TRPM5: variants seen among roughly 807,000 people sequenced by gnomAD.
TRPM5 encodes the protein transient receptor potential cation channel subfamily M member 5.
TRPM5 carries 121 observed loss-of-function variants against 124.9 expected under a neutral mutation model. That is an observed-to-expected ratio of 0.97 (90% CI 0.84 to 1.13). The LOEUF is 1.13. Among genes scored for constraint, TRPM5 ranks in the 50% most tolerant of loss-of-function variants. The pLI, the probability that TRPM5 is intolerant of heterozygous loss-of-function variation, is 0.00. For synonymous variants in TRPM5, 781 were observed against 700.5 expected (o/e 1.11, Z -1.81); for missense variants, 1,643 against 1,589.1 (o/e 1.03, Z -0.58).
At chr11:2,444,406 G>A in the TRPM5 span, among the ~76,000 whole-genome samples, 4 of 151,764 alleles carry the variant, frequency 2.6e-5, no homozygotes, top group African/African-American at 7.3e-5. Flanking sequence ...TGCCGTTCTC[G>A]GTCGTGGTAT....
exon 19 of TRPM5, chr11:2,407,834 A>C: frequency 6.2e-7 from 1 of 1,614,022 alleles, no homozygotes; most frequent in African/African-American, 1.3e-5. Flanking sequence ...GAGGATGACC[A>C]GCCAGTTGGC....
At chr11:2,422,343 C>T (rs770297512) in intron 1 of TRPM5, 22 bp from the exon 7 acceptor site, 1 of 1,588,126 alleles carries the variant, frequency 6.3e-7, no homozygotes, top group South Asian at 1.1e-5. Context: ...GTCTGCAGCT[C>T]AGGGCTTTCG....
intron 6 of TRPM5, 135 bp from the exon 12 acceptor site, chr11:2,417,964 G>A (rs1350687373): frequency 8.7e-6 from 9 of 1,030,332 alleles, no homozygotes; most frequent in South Asian, 6.1e-5. Context: ...ACCGCCCACC[G>A]GGCCCGGCCT....
exon 9 of TRPM5, chr11:2,415,318 G>A: frequency 1.3e-6 from 2 of 1,584,550 alleles, no homozygotes; most frequent in Non-Finnish European, 1.7e-6. Context: ...AGGTCGAAGA[G>A]CAGGCTCTTG....
At position 2,409,603 on chromosome 11, in the gene TRPM5, C is replaced by G. The variant is rs72847609; in HGVS notation, c.2783-1691G>C. Reference sequence around the variant, plus strand: ...AGGAACTGTCTGAGCCTCAGTCTCCCTCTCAGCCCAGCATGTGTTAGTGAA... The same window carrying G: ...AGGAACTGTCTGAGCCTCAGTCTCCGTCTCAGCCCAGCATGTGTTAGTGAA... On this transcript the variant is annotated intron_variant, in intron 18 of 23. Transcript: ENST00000155858. Among the ~76,000 whole-genome samples the G allele has an allele frequency of 5.8e-3, 887 of 152,332 alleles. 3 individuals are homozygous for G. Among genetic ancestry groups the G allele is most frequent in the Non-Finnish European group, 0.01 (686 of 68,040 alleles).
the TRPM5 span, among the ~76,000 whole-genome samples, chr11:2,441,199 G>C: frequency 1.3e-5 from 2 of 152,192 alleles, no homozygotes; most frequent in Admixed American, 6.5e-5. This position sits in a 1 kb window ranked among gnomAD's most constrained non-coding sequence, Gnocchi z 7.2. Flanking sequence ...TGCACCCACC[G>C]GAATGATAGA....
At chr11:2,414,773 C>T in exon 11 of TRPM5, 1 of 1,559,302 alleles carries the variant, frequency 6.4e-7, no homozygotes, top group South Asian at 1.2e-5. Context: ...CGGCCTCCGT[C>T]TCCAGGTGCG....
chr11:2,407,018 A>AG, intron 20 of TRPM5, 101 bp downstream of exon 25: 3 of 1,386,418 alleles, frequency 2.2e-6, no homozygotes, highest in East Asian at 2.5e-5. Flanking sequence ...AGGGCTGAGG[A>AG]GGGGTCCAGG....
chr11:2,438,435 C>T, the TRPM5 span, among the ~76,000 whole-genome samples: 1 of 152,260 alleles, frequency 6.6e-6, no homozygotes, highest in East Asian at 1.9e-4. The surrounding 1 kb of genome is among the most constrained non-coding windows in gnomAD (Gnocchi z 5.9). Context: ...GAGGCTGAAG[C>T]GAGCGGATCA....
chr11:2,427,351 G>A (rs1396047390), upstream of TRPM5, among the ~76,000 whole-genome samples: 5 of 152,170 alleles, frequency 3.3e-5, no homozygotes, highest in African/African-American at 7.2e-5. Context: ...ACCCTGACAC[G>A]CGGCTGCTGG....
chr11:2,408,039 C>T (rs1483368984), intron 18 of TRPM5, 127 bp from the exon 24 acceptor site: 4 of 1,246,698 alleles, frequency 3.2e-6, no homozygotes, highest in East Asian at 2.5e-5. Context: ...GGTTGGGTGA[C>T]CCACTGTCCC....
At chr11:2,430,998 G>C in the TRPM5 span, among the ~76,000 whole-genome samples, 1 of 152,208 alleles carries the variant, frequency 6.6e-6, no homozygotes, top group Non-Finnish European at 1.5e-5. Flanking sequence ...CGTGGTAATA[G>C]TGGTTATGGT....
chr11:2,422,621 C>T (rs1009535320), intron 1 of TRPM5, among the ~76,000 whole-genome samples: 3 of 151,792 alleles, frequency 2.0e-5, no homozygotes, highest in African/African-American at 4.8e-5. Flanking sequence ...GCTGGCATCC[C>T]CCTCAGTGAG....
chr11:2,407,802 C>A lies in TRPM5; in HGVS notation c.2893G>T (p.Val965Phe), dbSNP rs145871474. The change falls in exon 19 of 24, where the codon GTC becomes TTC. Residue 965 changes from valine (V) to phenylalanine (F), a missense_variant. Coordinates refer to ENST00000155858, the Ensembl canonical transcript of TRPM5. ...AGGTTCATGAGCAGCACATTGGTGACCAACAGGAAGGTGACCAGCAGGAGG... is the reference window on the plus strand; with the variant it reads ...AGGTTCATGAGCAGCACATTGGTGAACAACAGGAAGGTGACCAGCAGGAGG... 667 of 1,613,902 alleles carry A rather than the reference C, an allele frequency of 4.1e-4. No individual in the cohort carries two copies. Among genetic ancestry groups the A allele is most frequent in the Non-Finnish European group, 5.4e-4 (642 of 1,180,012 alleles).
intron 18 of TRPM5, among the ~76,000 whole-genome samples, chr11:2,410,058 C>T (rs929417409): frequency 1.3e-5 from 2 of 152,172 alleles, no homozygotes; most frequent in African/African-American, 2.4e-5. Context: ...AGGGGCCCTG[C>T]GGACGGGCAG....
At chr11:2,423,935 T>A (rs1845810003), upstream of TRPM5, among the ~76,000 whole-genome samples, 1 of 152,186 alleles carries the variant, frequency 6.6e-6, no homozygotes, top group Non-Finnish European at 1.5e-5. Context: ...CGATTGCTCC[T>A]CTGAAAACTC....
the TRPM5 span, among the ~76,000 whole-genome samples, chr11:2,428,602 GT>G: frequency 6.6e-6 from 1 of 151,918 alleles, no homozygotes; most frequent in South Asian, 2.1e-4. The surrounding 1 kb of genome is among the most constrained non-coding windows in gnomAD (Gnocchi z 4.0). Flanking sequence ...CATGAGGGTA[GT>G]TGGGGTGGTG....
chr11:2,430,734 A>T, the TRPM5 span, among the ~76,000 whole-genome samples: 1 of 77,072 alleles, frequency 1.3e-5, no homozygotes, highest in Non-Finnish European at 2.6e-5. Flanking sequence ...GGTGGCGGTG[A>T]TGGTGATGGT....
chr11:2,411,195 G>A (rs2133509416), intron 18 of TRPM5, among the ~76,000 whole-genome samples, 157 bp downstream of exon 23: 1 of 152,272 alleles, frequency 6.6e-6, no homozygotes, highest in Admixed American at 6.5e-5. Context: ...GGGTGTGGGG[G>A]GCCTGGGGAC....
Sources: allele counts gnomAD v4.1 joint callset (sites outside exome capture counted in the v4.1 genomes callset), GRCh38; gene constraint gnomAD v4.1.1; non-coding constraint Gnocchi (gnomAD v3.1); transcripts MANE v1.5; gene names NCBI Gene and HGNC (gene_info 2026-07-23, HGNC 2026-07-21).